Variants in SLC14A2 observed in about 807,000 individuals in gnomAD.
SLC14A2 encodes the protein solute carrier family 14 member 2.
SLC14A2 carries 91 observed loss-of-function variants against 104.6 expected under a neutral mutation model. The ratio of observed to expected loss-of-function variants is 0.87; its 90% CI spans 0.73 to 1.04. The LOEUF (loss-of-function observed/expected upper bound fraction) is 1.04. Among genes scored for constraint, SLC14A2 ranks in the 50% least tolerant of loss-of-function variants. The pLI is 0.00. For synonymous variants in SLC14A2, 476 were observed against 466.4 expected (o/e 1.02, Z -0.27); for missense variants, 1,189 against 1,156.0 (o/e 1.03, Z -0.41).
the SLC14A2 span, among the ~76,000 whole-genome samples, chr18:45,196,095 G>C: frequency 6.6e-6 from 1 of 151,818 alleles, no homozygotes; most frequent in Non-Finnish European, 1.5e-5. Flanking sequence ...TTTGGACACT[G>C]TTTGAACAAT....
intron 1 of SLC14A2, among the ~76,000 whole-genome samples, chr18:45,390,623 G>A (rs1032532586): frequency 1.3e-5 from 2 of 152,166 alleles, no homozygotes; most frequent in African/African-American, 4.8e-5. Context: ...ACATAAGAGA[G>A]GGTATATATA....
intron 1 of SLC14A2, among the ~76,000 whole-genome samples, chr18:45,270,329 C>A (rs924731780): frequency 6.6e-6 from 1 of 152,024 alleles, no homozygotes; most frequent in African/African-American, 2.4e-5. Flanking sequence ...TTAAGATATT[C>A]TCCTGGGAAA....
intron 2 of SLC14A2, among the ~76,000 whole-genome samples, chr18:45,578,416 A>G (rs1261128251): frequency 6.6e-6 from 1 of 152,204 alleles, no homozygotes; most frequent in Non-Finnish European, 1.5e-5. Context: ...AAGCCTAAGC[A>G]TACAGTAGCT....
At chr18:45,301,567 G>T (rs983818329) in intron 1 of SLC14A2, among the ~76,000 whole-genome samples, 4 of 152,176 alleles carry the variant, frequency 2.6e-5, no homozygotes, top group African/African-American at 9.7e-5. Context: ...CTGGTTATTG[G>T]CATCACAGAC....
In SLC14A2 at chr18:45,632,325, C is replaced by A. The variant is rs371716863; in HGVS notation, c.522-25C>A. The A allele has an allele frequency of 2.5e-6, 4 of 1,605,474 alleles. No individual in the cohort carries two copies. In the African/African-American group the frequency reaches 5.4e-5, roughly 22 times the overall value. ...CCAGTAACACCACCAACTTCAAATG[C>A]AAAATCAGTCTGTTTCACCGCCAGG... On this transcript the variant is annotated intron_variant, in intron 4 of 19. Transcript: ENST00000255226.
At chr18:45,376,095 CCTTA>C (rs2085771940) in intron 1 of SLC14A2, among the ~76,000 whole-genome samples, 2 of 152,310 alleles carry the variant, frequency 1.3e-5, no homozygotes, top group African/African-American at 4.8e-5. Context: ...CAACCTTAGT[CCTTA>C]CTTTTTCTTT....
At chr18:45,487,843 C>T (rs544417264) in intron 2 of SLC14A2, among the ~76,000 whole-genome samples, 6 of 152,212 alleles carry the variant, frequency 3.9e-5, no homozygotes, top group East Asian at 1.9e-4. Context: ...TCACAGGATA[C>T]GGGCTGCCCT....
intron 1 of SLC14A2, among the ~76,000 whole-genome samples, chr18:45,275,052 C>A (rs1040880124): frequency 1.6e-4 from 25 of 152,076 alleles, no homozygotes; most frequent in African/African-American, 6.0e-4. Context: ...CTCTGTAATA[C>A]TTTATTTAAA....
intron 2 of SLC14A2, among the ~76,000 whole-genome samples, chr18:45,576,011 A>G (rs548137923): frequency 1.4e-4 from 22 of 152,314 alleles, no homozygotes; most frequent in Non-Finnish European, 2.2e-4. Flanking sequence ...TAAGAATTAA[A>G]TGATCTTAAA....
chr18:45,412,387 A>C (rs1265812029), intron 1 of SLC14A2, among the ~76,000 whole-genome samples: 3 of 152,224 alleles, frequency 2.0e-5, no homozygotes. Flanking sequence ...CTGAGAAGAG[A>C]GAAAACAGGA....
intron 2 of SLC14A2, among the ~76,000 whole-genome samples, chr18:45,566,394 C>T (rs1224492271): frequency 6.6e-6 from 1 of 152,168 alleles, no homozygotes; most frequent in Non-Finnish European, 1.5e-5. Flanking sequence ...CTCCCATAAG[C>T]ACAAAACTTT....
At chr18:45,201,418 A>T in the SLC14A2 span, among the ~76,000 whole-genome samples, 1 of 152,100 alleles carries the variant, frequency 6.6e-6, no homozygotes, top group South Asian at 2.1e-4. Flanking sequence ...ACTCATTTAT[A>T]TCGGTATGGA....
chr18:45,589,309 A>T (rs1282060001), intron 2 of SLC14A2, among the ~76,000 whole-genome samples: 1 of 151,888 alleles, frequency 6.6e-6, no homozygotes, highest in Non-Finnish European at 1.5e-5. Flanking sequence ...AAAGGAAAAA[A>T]AGCTGGAGAG....
rs566665824 is a variant in SLC14A2, at chr18:45,255,516, G to C, written c.-125+42325G>C. On this transcript the variant is annotated intron_variant, in intron 1 of 20. Transcript: ENST00000586448. The stretch of plus-strand genomic sequence containing the variant: ...AGAATCACAGACAAATAGTCAATTT[G>C]CTTTAAAAGACCCTTGATTGAAACC... 2.0e-5 allele frequency among the ~76,000 whole-genome samples: 3 copies of C among 152,314 alleles called. No homozygotes were observed. In the East Asian group the frequency reaches 5.8e-4, roughly 29 times the overall value.
intron 2 of SLC14A2, among the ~76,000 whole-genome samples, chr18:45,606,734 T>TAAAAAAAA (rs781251287): frequency 1.3e-5 from 1 of 76,614 alleles, no homozygotes; most frequent in African/African-American, 4.3e-5. Context: ...AAAGTCTAAT[T>TAAAAAAAA]AAAAAAAAAA....
At chr18:45,637,856 C>T (rs1319948508) in intron 6 of SLC14A2, among the ~76,000 whole-genome samples, 1 of 152,158 alleles carries the variant, frequency 6.6e-6, no homozygotes, top group African/African-American at 2.4e-5. Context: ...GTGAAGAAGG[C>T]CTGGTGCTTA....
At chr18:45,613,401 T>C (rs1453927046), upstream of SLC14A2, among the ~76,000 whole-genome samples, 1 of 152,154 alleles carries the variant, frequency 6.6e-6, no homozygotes, top group Admixed American at 6.5e-5. Flanking sequence ...ATAAAGATAC[T>C]TGAAAATGTG....
At chr18:45,392,932 C>T (rs1297183419) in intron 1 of SLC14A2, among the ~76,000 whole-genome samples, 1 of 152,190 alleles carries the variant, frequency 6.6e-6, no homozygotes, top group Non-Finnish European at 1.5e-5. Context: ...CTCAACGTCT[C>T]CCCTTATACC....
At position 45,292,527 on chromosome 18, in the gene SLC14A2, G is replaced by C. The variant is rs551056777; in HGVS notation, c.-125+79336G>C. ...TCATTTACATAATTTAGGCTTTCAC[G>C]CATGATCTCATTATGGTGCAAGAAA... On this transcript the variant is annotated intron_variant, in intron 1 of 20. Transcript: ENST00000586448. Among the ~76,000 whole-genome samples, 87 of 152,116 alleles carry C rather than the reference G, an allele frequency of 5.7e-4. 2 individuals carry two copies. Among genetic ancestry groups the C allele is most frequent in the Non-Finnish European group, 1.0e-4 (7 of 68,022 alleles).
Sources: gnomAD v4.1 joint callset for allele counts (sites outside exome capture counted in the v4.1 genomes callset) on GRCh38, gnomAD v4.1.1 for gene constraint, MANE v1.5 for transcripts, NCBI Gene and HGNC (gene_info 2026-07-23, HGNC 2026-07-21) for gene names.